The following KNOP1 variants were observed in gnomAD, a reference collection of about 807,000 sequenced individuals.
KNOP1 encodes the protein lysine-rich nucleolar protein 1.
A neutral mutation model predicts 30.6 loss-of-function variants in KNOP1; 20 were observed. The observed-to-expected ratio is 0.65, with a 90% CI of 0.46 to 0.95. KNOP1 has a LOEUF of 0.95. KNOP1 is among the 40% of genes least tolerant of loss of function. KNOP1 has a pLI of 0.00. For synonymous variants in KNOP1, 204 were observed against 210.0 expected, an observed-to-expected ratio of 0.97 and a Z score of 0.25; for missense variants, 540 against 562.0, an observed-to-expected ratio of 0.96 and a Z score of 0.40.
chr16:19,710,556 C>G lies in KNOP1; in HGVS notation c.1018G>C (p.Asp340His). The change falls in exon 4 of 5, where the codon GAT becomes CAT. Residue 340 changes from aspartate to histidine, a missense_variant. Asp to His is a moderately conservative substitution (Grantham distance 81). Transcript: ENST00000219837. ...VRRKALQEEI[D>H]RESGKTEASE... ...GCTTCCGTTTTGCCTGACTCGCGAT[C>G]GATCTCTTCTTGCAAGGCCTTTCGC... is the stretch of plus-strand genomic sequence containing the variant. 6.2e-7 allele frequency: 1 copy of G among 1,612,400 alleles called. No homozygotes were observed. Among genetic ancestry groups the G allele is most frequent in the Non-Finnish European group, 8.5e-7 (1 of 1,180,036 alleles).
At chr16:19,710,405 G>T in intron 4 of KNOP1, 104 bp downstream of exon 4, 1 of 1,120,582 alleles carries the variant, frequency 8.9e-7, no homozygotes, top group South Asian at 1.2e-5. Flanking sequence ...TCTGGGGCCT[G>T]GACATACTTG....
chr16:19,711,561 C>G lies in KNOP1; in HGVS notation c.919-121G>C, dbSNP rs572950597. The stretch of plus-strand genomic sequence containing the variant: ...AAAGACCTCAGACCACGGCATCACC[C>G]CCAGCCCTGCCACCTAGAAACATCT... On this transcript the variant is annotated intron_variant, in intron 2 of 4. Transcript: ENST00000219837. 7.3e-6 allele frequency: 6 copies of G among 822,940 alleles called. No individual in the cohort carries two copies. The East Asian group carries it at 1.5e-4, about 20-fold the overall frequency. 51.0% of individuals were successfully genotyped at this position (822,940 alleles called of 1,614,324 possible).
chr16:19,707,005 A>T lies in KNOP1; in HGVS notation c.1282T>A (p.Tyr428Asn). ...RDYDRAMSWKYSRGAGLGFST... is the reference protein window; with the variant it reads ...RDYDRAMSWKNSRGAGLGFST... ...AAGCCGAGGCCGGCTCCCCGGCTGT[A>T]CTTCCAGCTCATGGCCCGGTCGTAG... The change falls in exon 5 of 5, where the codon TAC (tyrosine) becomes AAC (asparagine). Residue 428 changes from tyrosine (Y) to asparagine (N), a missense_variant. Coordinates refer to ENST00000219837, the MANE Select transcript of KNOP1 (RefSeq NM_001012991.3). 1.9e-6 allele frequency: 3 copies of T among 1,614,090 alleles called. No individual in the cohort carries two copies. The highest frequency in any genetic ancestry group is 2.5e-6 in the Non-Finnish European group (3 of 1,180,026).
chr16:19,703,433 G>A lies in KNOP1; in HGVS notation c.*3477C>T, dbSNP rs531364084. ...ACACGGGATCCTCTTCCTGTTTTAAGGTCAGCTGATTAGCAAACTTAATTC... is the reference window on the plus strand; with the variant it reads ...ACACGGGATCCTCTTCCTGTTTTAAAGTCAGCTGATTAGCAAACTTAATTC... On this transcript the variant is annotated 3_prime_UTR_variant, in exon 5 of 5. Coordinates refer to ENST00000219837, the MANE Select transcript of KNOP1 (RefSeq NM_001012991.3). The A allele has an allele frequency of 1.3e-5, 2 of 152,260 alleles. No homozygotes were observed. Among genetic ancestry groups the A allele is most frequent in the South Asian group, 4.2e-4 (2 of 4,812 alleles). The allele number at this position is 152,260 out of a possible 1,614,324, so 9.4% of individuals were successfully genotyped here. A position where few individuals can be genotyped will look rare whatever the true frequency, so the allele number is the denominator to read the frequency against.
rs990767824 is a variant in KNOP1, at chr16:19,714,569, T to C, written c.467A>G (p.Lys156Arg). Residue 156 changes from lysine (K) to arginine (R), a missense_variant, in exon 2 of 5, where the codon AAG (lysine) becomes AGG (arginine). Lys to Arg is a conservative substitution (Grantham distance 26). Coordinates refer to ENST00000219837, the MANE Select transcript of KNOP1 (RefSeq NM_001012991.3). ...GAAGGCTGTGGGGTCCTGGGCCCCCTTTTTTTCCTTCTTGTGTTTTTTGAG... is the reference window on the plus strand; with the variant it reads ...GAAGGCTGTGGGGTCCTGGGCCCCCCTTTTTTCCTTCTTGTGTTTTTTGAG... Reference protein sequence around the residue: ...KKLKKHKKEKKGAQDPTAFSV... With the variant: ...KKLKKHKKEKRGAQDPTAFSV... The C allele has an allele frequency of 1.9e-5, 30 of 1,613,834 alleles. No individual in the cohort carries two copies. The highest frequency in any genetic ancestry group is 2.3e-5 in the Non-Finnish European group (27 of 1,179,942).
At chr16:19,718,024 G>C in intron 1 of KNOP1, 134 bp downstream of exon 1, 2 of 1,374,810 alleles carry the variant, frequency 1.5e-6, no homozygotes, top group Non-Finnish European at 9.4e-7. Context: ...GCCGGAGCGG[G>C]CGCACACCGA....
At position 19,714,511 on chromosome 16, in the gene KNOP1, C is replaced by A; in HGVS notation, c.525G>T (p.Arg175Ser). The A allele has an allele frequency of 6.2e-7, 1 of 1,614,108 alleles. No homozygotes were observed. Among genetic ancestry groups the A allele is most frequent in the South Asian group, 1.1e-5 (1 of 91,074 alleles). ...AAGTGTCCCCAACATCCCTGGCCTC[C>A]CTGGCCTCACAGAACCAAGGGTCCT... Reference protein sequence around the residue: ...SVQDPWFCEAREARDVGDTCS... With the variant: ...SVQDPWFCEASEARDVGDTCS... Residue 175 changes from arginine to serine, a missense_variant, in exon 2 of 5, where the codon AGG becomes AGT. Transcript: ENST00000219837.
At chr16:19,715,821 G>A (rs543748410) in intron 1 of KNOP1, among the ~76,000 whole-genome samples, 2 of 152,258 alleles carry the variant, frequency 1.3e-5, no homozygotes, top group African/African-American at 2.4e-5. Flanking sequence ...GACAGATATC[G>A]TGGAAGCACC....
intron 1 of KNOP1, among the ~76,000 whole-genome samples, chr16:19,715,963 T>C (rs1317884704): frequency 6.6e-6 from 1 of 152,128 alleles, no homozygotes; most frequent in Non-Finnish European, 1.5e-5. Flanking sequence ...AAATATTTCA[T>C]AGCAAGTTAG....
chr16:19,714,921 CA>C lies in KNOP1; in HGVS notation c.114del (p.Phe38LeufsTer7). Reference protein sequence around the residue: ...RYSVLNNDDYFADVSPLRATS... With the variant: ...RYSVLNNDDYXADVSPLRATS... ...GTAGCTCTTAAAGGAGAAACATCAG[CA>C]AAGTAATCATCATTGTTTAAAACTG... On this transcript the variant is annotated frameshift_variant, in exon 2 of 5. Transcript: ENST00000219837. LOFTEE classifies it high-confidence loss of function. The C allele has an allele frequency of 1.9e-6, 3 of 1,613,700 alleles. No individual in the cohort carries two copies. Among genetic ancestry groups the C allele is most frequent in the Non-Finnish European group, 2.5e-6 (3 of 1,179,874 alleles).
At chr16:19,715,648 T>C (rs1386109381) in intron 1 of KNOP1, among the ~76,000 whole-genome samples, 1 of 152,100 alleles carries the variant, frequency 6.6e-6, no homozygotes, top group Non-Finnish European at 1.5e-5. Flanking sequence ...CTCAAACTCC[T>C]GACCTCAAGT....
intron 4 of KNOP1, among the ~76,000 whole-genome samples, chr16:19,709,626 C>T (rs887974315): frequency 1.3e-5 from 2 of 152,230 alleles, no homozygotes; most frequent in African/African-American, 4.8e-5. Flanking sequence ...CACTGGCCTT[C>T]CCTACAGATC....
At chr16:19,717,587 A>G in intron 1 of KNOP1, 1 of 985,558 alleles carries the variant, frequency 1.0e-6, no homozygotes, top group South Asian at 4.7e-5. Context: ...CCTCCTCTTT[A>G]GCCCTGCGAC....
At chr16:19,718,133 G>C in intron 1 of KNOP1, 25 bp downstream of exon 1, 22 of 1,445,618 alleles carry the variant, frequency 1.5e-5, no homozygotes, top group Non-Finnish European at 2.0e-5. Flanking sequence ...GCGCCGGCCC[G>C]CCTGCAACGC....
chr16:19,707,927 A>G lies in KNOP1; in HGVS notation c.1066-706T>C, dbSNP rs550965715. Among the ~76,000 whole-genome samples, 10 of 47,552 alleles carry G rather than the reference A, an allele frequency of 2.1e-4. 1 individual carries two copies. The Admixed American group carries it at 2.6e-3, about 12-fold the overall frequency. 31.2% of individuals were successfully genotyped at this position (47,552 alleles called of 152,430 possible). A position where few individuals can be genotyped will look rare whatever the true frequency, so the allele number is the denominator to read the frequency against. ...ACAGCACACTCCCCCACCTCCCTAC[A>G]TAGCACTTCCCCCACTCCCTATACA... On this transcript the variant is annotated intron_variant, in intron 4 of 4. Transcript: ENST00000219837.
Position 19,714,409 on chromosome 16 carries a change from A to G in KNOP1, c.627T>C (p.Asn209=), listed in dbSNP as rs1976886217. ...KRKRKSPREH[N]GKVKKKKKIH... is the part of the protein sequence containing the mutation. ...TTTTTTTTTTCTTCTTCACCTTCCC[A>G]TTGTGTTCTCTGGGGCTCTTCCGCT... The change falls in exon 2 of 5, where the codon AAT becomes AAC. Residue 209 remains asparagine (N), a synonymous_variant. Coordinates refer to ENST00000219837, the MANE Select transcript of KNOP1 (RefSeq NM_001012991.3). The G allele has an allele frequency of 6.2e-7, 1 of 1,609,714 alleles. No homozygotes were observed.
intron 4 of KNOP1, among the ~76,000 whole-genome samples, chr16:19,710,037 G>A (rs541007521): frequency 6.6e-6 from 1 of 152,112 alleles, no homozygotes; most frequent in South Asian, 2.1e-4. Flanking sequence ...CATGATCCTC[G>A]CACCCTCCTC....
rs576647312 is a variant in KNOP1 at position 19,711,765 on chromosome 16, C to T, written c.919-325G>A. On this transcript the variant is annotated intron_variant, in intron 2 of 4. Coordinates refer to ENST00000219837, the MANE Select transcript of KNOP1 (RefSeq NM_001012991.3). ...ATCTCCTGACCCAGGGCTTGGTGTC[C>T]GACCTTTCCCACTACACACGTCACC... 164 of 368,730 alleles carry T rather than the reference C, an allele frequency of 4.4e-4. 1 individual carries two copies. The highest frequency in any genetic ancestry group is 3.5e-3 in the South Asian group (129 of 37,012). The allele number at this position is 368,730 out of a possible 1,614,324, so 22.8% of individuals were successfully genotyped here. A position where few individuals can be genotyped will look rare whatever the true frequency, so the allele number is the denominator to read the frequency against.
At chr16:19,707,436 G>A (rs1007198063) in intron 4 of KNOP1, among the ~76,000 whole-genome samples, 1 of 151,952 alleles carries the variant, frequency 6.6e-6, no homozygotes, top group African/African-American at 2.4e-5. Flanking sequence ...GGAGAAAATA[G>A]AGGTCTGCAG....
Sources: allele counts gnomAD v4.1 joint callset (sites outside exome capture counted in the v4.1 genomes callset), GRCh38; gene constraint gnomAD v4.1.1; transcripts MANE v1.5; gene names NCBI Gene and HGNC (gene_info 2026-07-23, HGNC 2026-07-21).